BRD8: variants seen among roughly 807,000 people sequenced by gnomAD.
BRD8 encodes the protein bromodomain containing 8.
Under a neutral mutation model 143.1 loss-of-function variants are expected in BRD8, and 67 were observed. The ratio of observed to expected loss-of-function variants is 0.47; its 90% confidence interval spans 0.38 to 0.57. The LOEUF (loss-of-function observed/expected upper bound fraction) is 0.57, where lower values mean the gene tolerates loss of function less well. Ranked by LOEUF, BRD8 falls within the 20% of genes least tolerant of loss-of-function variation. The pLI, the probability that BRD8 is intolerant of heterozygous loss-of-function variation, is 0.00. For missense variants in BRD8, 1,103 were observed against 1,503.0 expected (o/e 0.73, Z 4.40); for synonymous variants, 505 against 517.1 (o/e 0.98, Z 0.32).
chr5:138,177,761 A>C, intron 1 of BRD8, 94 bp from the exon 2 acceptor site: 1 of 691,720 alleles, frequency 1.4e-6, no homozygotes, highest in Non-Finnish European at 2.5e-6. Flanking sequence ...CTAAAAGCCT[A>C]ATACAAAACA....
chr5:138,170,951 A>T lies in BRD8; in HGVS notation c.360-39T>A, dbSNP rs1250449173. ...GAGAGGTAGGTAGACTGGGTTTTTT[A>T]ATCTGCTATTTTAAAAGTTCTGACC... On this transcript the variant is annotated intron_variant, in intron 5 of 26. Coordinates refer to ENST00000254900, the MANE Select transcript of BRD8 (RefSeq NM_139199.2). The T allele has an allele frequency of 1.9e-6, 3 of 1,612,414 alleles. No individual in the cohort carries two copies. In the Admixed American group the frequency reaches 5.0e-5, roughly 27 times the overall value.
intron 23 of BRD8, among the ~76,000 whole-genome samples, chr5:138,148,157 T>TC (rs1752229977): frequency 5.0e-5 from 4 of 80,726 alleles, no homozygotes; most frequent in African/African-American, 1.9e-4. Context: ...GCTGATGAGC[T>TC]GGAAAAAAAA....
rs1223045861 is a variant in BRD8 at position 138,166,567 on chromosome 5, T to C, written c.948A>G (p.Pro316=). ...QATIVMMPAL[P]APSSAPAVST... Reference sequence around the variant, plus strand: ...AGACAGCCGGAGCAGAGGATGGTGCTGGCAGCGCAGGCATCATGACAATGG... The same window carrying C: ...AGACAGCCGGAGCAGAGGATGGTGCCGGCAGCGCAGGCATCATGACAATGG... Residue 316 remains proline, a synonymous_variant, in exon 10 of 27, where the codon CCA becomes CCG. Coordinates refer to ENST00000254900, the MANE Select transcript of BRD8 (RefSeq NM_139199.2). 6.2e-7 allele frequency: 1 copy of C among 1,614,030 alleles called. No homozygotes were observed. The highest frequency in any genetic ancestry group is 1.7e-5 in the Admixed American group (1 of 60,008).
At chr5:138,174,599 A>T (rs2151220770) in intron 2 of BRD8, among the ~76,000 whole-genome samples, 1 of 152,222 alleles carries the variant, frequency 6.6e-6, no homozygotes, top group East Asian at 1.9e-4. Context: ...CTCAAAAAAA[A>T]AAAAAAGGTG....
rs186114115 is a variant in BRD8 at position 138,145,863 on chromosome 5, C to T, written c.3294G>A (p.Gln1098=). 91 of 1,613,754 alleles carry T rather than the reference C, an allele frequency of 5.6e-5. No individual in the cohort carries two copies. In the African/African-American group the frequency reaches 1.0e-3, roughly 18 times the overall value. The change falls in exon 24 of 27, where the codon CAG becomes CAA. Residue 1098 remains glutamine (Q), a synonymous_variant. Coordinates refer to ENST00000254900, the MANE Select transcript of BRD8 (RefSeq NM_139199.2). ...ATSSKLTDLS[Q]DDPVQDHLLF... ...GCAAATGATCCTGAACAGGGTCATC[C>T]TGGCTTAGATCAGTCCTATGAGGAT...
chr5:138,160,745 T>C (rs1356262784), intron 18 of BRD8, 146 bp downstream of exon 18: 6 of 676,956 alleles, frequency 8.9e-6, no homozygotes, highest in Non-Finnish European at 1.1e-5. Flanking sequence ...AAAATAAAAG[T>C]AAGAACAAAA....
Position 138,166,709 on chromosome 5 carries a change from CG to C in BRD8, c.805del (p.Arg269GlyfsTer3). The C allele has an allele frequency of 6.2e-7, 1 of 1,611,852 alleles. No homozygotes were observed. Among genetic ancestry groups the C allele is most frequent in the Non-Finnish European group, 8.5e-7 (1 of 1,178,418 alleles). ...CTGTGTAGGACCAGCTTCTAAAAGC[CG>C]GGAAAGAGTGGGAGCACCTAACATA... ...PAASGAPTLS[R>X]LLEAGPTQFT... On this transcript the variant is annotated frameshift_variant, in exon 10 of 27. Transcript: ENST00000254900. LOFTEE classifies it high-confidence loss of function.
At chr5:138,146,458 C>T (rs561061335) in intron 23 of BRD8, among the ~76,000 whole-genome samples, 20 of 151,556 alleles carry the variant, frequency 1.3e-4, no homozygotes, top group East Asian at 9.7e-4. Context: ...TGGGCTCAAG[C>T]GATCCTCCTG....
At chr5:138,168,981 A>G (rs900001756) in intron 8 of BRD8, among the ~76,000 whole-genome samples, 1 of 152,230 alleles carries the variant, frequency 6.6e-6, no homozygotes, top group Non-Finnish European at 1.5e-5. Flanking sequence ...CAGGAATTTC[A>G]TAAGACTAGT....
intron 3 of BRD8, among the ~76,000 whole-genome samples, 193 bp from the exon 4 acceptor site, chr5:138,171,603 C>T (rs1753869355): frequency 6.6e-6 from 1 of 152,124 alleles, no homozygotes; most frequent in Non-Finnish European, 1.5e-5. Context: ...CAGAAAAAGA[C>T]AGTCTTATGG....
At chr5:138,152,863 A>G (rs1752425728) in intron 20 of BRD8, 103 bp from the exon 21 acceptor site, 2 of 1,215,594 alleles carry the variant, frequency 1.6e-6, no homozygotes, top group Non-Finnish European at 2.3e-6. Flanking sequence ...CCAGAAATTT[A>G]TTTGTATTCA....
At chr5:138,143,923 G>A (rs1752023916) in intron 25 of BRD8, among the ~76,000 whole-genome samples, 1 of 152,176 alleles carries the variant, frequency 6.6e-6, no homozygotes, top group African/African-American at 2.4e-5. Flanking sequence ...GCCCCTCAAG[G>A]CAGCAGTGGC....
chr5:138,171,226 G>T lies in BRD8; in HGVS notation c.237-66C>A, dbSNP rs1352358757. The T allele has an allele frequency of 9.4e-6, 14 of 1,493,346 alleles. No homozygotes were observed. The African/African-American group carries it at 1.4e-4, about 15-fold the overall frequency. The allele number at this position is 1,493,346 out of a possible 1,614,324, so 92.5% of individuals were successfully genotyped here. A position where few individuals can be genotyped will look rare whatever the true frequency, so the allele number is the denominator to read the frequency against. Reference sequence around the variant, plus strand: ...ATAACATTTATCCCCTCTCCTACTTGCTTTTACCACTTAATCATAGATAAC... The same window carrying T: ...ATAACATTTATCCCCTCTCCTACTTTCTTTTACCACTTAATCATAGATAAC... On this transcript the variant is annotated intron_variant, in intron 4 of 26. Transcript: ENST00000254900.
At chr5:138,174,884 C>A (rs1754188459) in intron 2 of BRD8, among the ~76,000 whole-genome samples, 1 of 151,560 alleles carries the variant, frequency 6.6e-6, no homozygotes, top group African/African-American at 2.4e-5. Flanking sequence ...AAAAAATAAA[C>A]TCAAGTTTTT....
Position 138,164,946 on chromosome 5 carries a change from T to C in BRD8, c.1499A>G (p.Asp500Gly), listed in dbSNP as rs142694367. ...GATCTCTGCACTGGGCTCCCTGATGTCCACCAGTTCATGTATTCCCTTGTT... is the reference window on the plus strand; with the variant it reads ...GATCTCTGCACTGGGCTCCCTGATGCCCACCAGTTCATGTATTCCCTTGTT... Reference protein sequence around the residue: ...TENKGIHELVDIREPSAEIKV... With the variant: ...TENKGIHELVGIREPSAEIKV... Residue 500 changes from aspartate (D) to glycine (G), a missense_variant, in exon 12 of 27, where the codon GAC becomes GGC. Physicochemically the swap from Asp to Gly is moderately conservative, Grantham distance 94. Around this residue, in one of 7 missense-constraint regions of BRD8, gnomAD observed 139 missense variants for 139.0 expected, o/e 1.00. Coordinates refer to ENST00000254900, the MANE Select transcript of BRD8 (RefSeq NM_139199.2). The C allele has an allele frequency of 9.3e-6, 15 of 1,614,072 alleles. No homozygotes were observed. Among genetic ancestry groups the C allele is most frequent in the Non-Finnish European group, 1.2e-5 (14 of 1,180,048 alleles).
At position 138,164,719 on chromosome 5, in the gene BRD8, T is replaced by G; in HGVS notation, c.1726A>C (p.Thr576Pro). 1 of 1,614,164 alleles carries G rather than the reference T, an allele frequency of 6.2e-7. No homozygotes were observed. Among genetic ancestry groups the G allele is most frequent in the Non-Finnish European group, 8.5e-7 (1 of 1,180,022 alleles). ...GDETPLTNVK[T>P]EASPESMLSP... ...CCCCGATCTTTCTTAAGTACCTCTG[T>G]CTTCACATTTGTAAGTGGAGTCTCA... Residue 576 changes from threonine (T) to proline (P), a missense_variant, in exon 12 of 27, where the codon ACA (threonine) becomes CCA (proline). Physicochemically the swap from Thr to Pro is conservative, Grantham distance 38. Transcript: ENST00000254900.
At chr5:138,161,917 G>A in intron 16 of BRD8, 53 bp from the exon 17 acceptor site, 1 of 1,599,144 alleles carries the variant, frequency 6.3e-7, no homozygotes, top group South Asian at 1.1e-5. Flanking sequence ...AGTGCAGGGA[G>A]GGAACTTACT....
In BRD8 at chr5:138,140,798, C is replaced by G; in HGVS notation, c.3522G>C (p.Leu1174=). Residue 1174 remains leucine, a synonymous_variant, in exon 26 of 27, where the codon CTG becomes CTC. Transcript: ENST00000254900. ...TGTACATTACAGCATTTTGGAACAT[C>G]AGCATCAGGTCTCGCAGGAATTGGG... The part of the protein sequence containing the change: ...TMAQFLRDLM[L]MFQNAVMYND... 1 of 1,614,148 alleles carries G rather than the reference C, an allele frequency of 6.2e-7. No homozygotes were observed. The highest frequency in any genetic ancestry group is 8.5e-7 in the Non-Finnish European group (1 of 1,180,022).
chr5:138,178,071 T>G (rs557915212), intron 1 of BRD8, among the ~76,000 whole-genome samples: 21 of 152,288 alleles, frequency 1.4e-4, no homozygotes, highest in Admixed American at 3.3e-4. Context: ...CGCCTCCCTC[T>G]TAGCATAAAC....
Sources: allele counts gnomAD v4.1 joint callset (sites outside exome capture counted in the v4.1 genomes callset), GRCh38; gene constraint gnomAD v4.1.1; regional missense constraint gnomAD v4.1.1; transcripts MANE v1.5; gene names NCBI Gene and HGNC (gene_info 2026-07-23, HGNC 2026-07-21).